Variants in UNC13C observed in about 807,000 individuals in gnomAD.
UNC13C encodes unc-13 homolog C, also known as protein unc-13 homolog C.
UNC13C carries 174 observed loss-of-function variants against 245.4 expected under a neutral mutation model. The observed-to-expected ratio is 0.71, with a 90% CI of 0.63 to 0.80. The LOEUF (loss-of-function observed/expected upper bound fraction) is 0.80. UNC13C is among the 30% of genes least tolerant of loss of function. UNC13C has a pLI of 0.00. For missense variants in UNC13C, 2,829 were observed against 2,602.9 expected, an observed-to-expected ratio of 1.09 and a Z score of -1.89; for synonymous variants, 992 against 895.1, an observed-to-expected ratio of 1.11 and a Z score of -1.93.
intron 4 of UNC13C, among the ~76,000 whole-genome samples, chr15:54,150,788 T>C (rs2032480431): frequency 1.3e-5 from 2 of 152,192 alleles, no homozygotes; most frequent in Non-Finnish European, 2.9e-5. Context: ...TAGTGGGAAA[T>C]ATACTTTGGT....
chr15:54,265,652 C>T (rs1472377703), intron 10 of UNC13C, among the ~76,000 whole-genome samples, 156 bp downstream of exon 10: 1 of 151,858 alleles, frequency 6.6e-6, no homozygotes. Context: ...TCCTTCAATA[C>T]TCTCATAATA....
At chr15:54,333,663 C>A in intron 15 of UNC13C, 104 bp from the exon 16 acceptor site, 2 of 674,432 alleles carry the variant, frequency 3.0e-6, no homozygotes, top group Non-Finnish European at 5.2e-6. Context: ...AAATTGTATA[C>A]AGTTTACTTT....
At chr15:54,355,377 T>C (rs1418893280) in intron 17 of UNC13C, among the ~76,000 whole-genome samples, 1 of 152,100 alleles carries the variant, frequency 6.6e-6, no homozygotes, top group Non-Finnish European at 1.5e-5. Context: ...TTTTTTTTGA[T>C]ACAGAGTCTC....
At chr15:54,528,286 A>C (rs1225241496) in intron 25 of UNC13C, among the ~76,000 whole-genome samples, 1 of 150,416 alleles carries the variant, frequency 6.6e-6, no homozygotes, top group African/African-American at 2.4e-5. Context: ...TTCTGCTTAC[A>C]CATGTTTTGC....
At chr15:54,180,617 A>G (rs1595958647) in intron 4 of UNC13C, among the ~76,000 whole-genome samples, 1 of 152,046 alleles carries the variant, frequency 6.6e-6, no homozygotes, top group Non-Finnish European at 1.5e-5. Context: ...CATTCCCACT[A>G]AGTGTATAAG....
At chr15:54,352,882 C>T (rs192882953) in intron 17 of UNC13C, among the ~76,000 whole-genome samples, 1 of 152,138 alleles carries the variant, frequency 6.6e-6, no homozygotes, top group East Asian at 1.9e-4. Context: ...CTTAAAATAT[C>T]TTATTGAAAA....
chr15:54,255,898 T>G (rs1166782574), intron 8 of UNC13C, among the ~76,000 whole-genome samples: 7 of 152,198 alleles, frequency 4.6e-5, no homozygotes, highest in Admixed American at 3.9e-4. Flanking sequence ...GGTCAGTTCC[T>G]TAACCCAAAG....
At chr15:54,098,167 G>A (rs192197336) in intron 2 of UNC13C, among the ~76,000 whole-genome samples, 53 of 152,014 alleles carry the variant, frequency 3.5e-4, no homozygotes, top group African/African-American at 1.1e-3. Context: ...CCTCTATAGC[G>A]TTTTTATTTT....
intron 24 of UNC13C, among the ~76,000 whole-genome samples, chr15:54,524,964 T>C (rs1895382388): frequency 6.6e-6 from 1 of 152,132 alleles, no homozygotes. Context: ...CAGCTGTAAA[T>C]TAGCAACCAG....
the UNC13C span, among the ~76,000 whole-genome samples, chr15:53,917,875 C>G: frequency 6.6e-6 from 1 of 151,928 alleles, no homozygotes; most frequent in Non-Finnish European, 1.5e-5. Context: ...TTTTGCCCTT[C>G]CTAAATTTTT....
chr15:54,102,985 T>C (rs1900241984), intron 2 of UNC13C, among the ~76,000 whole-genome samples: 1 of 152,258 alleles, frequency 6.6e-6, no homozygotes, highest in South Asian at 2.1e-4. Flanking sequence ...CGTAGGTTAA[T>C]ACTTCTAGTC....
intron 13 of UNC13C, chr15:54,320,773 T>C: frequency 2.6e-6 from 1 of 386,080 alleles, no homozygotes; most frequent in South Asian, 2.3e-5. Context: ...GGAACCACCA[T>C]GACCACCTTG....
rs116961065 is a variant in UNC13C, at chr15:54,384,294, T to A, written c.4714-8754T>A. ...CTATTGTAACCATGACAGCATGGTA[T>A]TTGTATGAAAGTAAACACATAGACC... On this transcript the variant is annotated intron_variant, in intron 17 of 32. Transcript: ENST00000260323. 6.7e-3 allele frequency among the ~76,000 whole-genome samples: 1,026 copies of A among 152,204 alleles called. 8 individuals carry two copies. Among genetic ancestry groups the A allele is most frequent in the Non-Finnish European group, 0.012 (847 of 67,968 alleles).
chr15:53,873,224 G>A, the UNC13C span, among the ~76,000 whole-genome samples: 1 of 152,034 alleles, frequency 6.6e-6, no homozygotes, highest in Non-Finnish European at 1.5e-5. Flanking sequence ...TGCCTTCTGA[G>A]TTCTAGGCCT....
At chr15:53,916,332 C>T in the UNC13C span, among the ~76,000 whole-genome samples, 1 of 152,178 alleles carries the variant, frequency 6.6e-6, no homozygotes, top group Admixed American at 6.5e-5. Flanking sequence ...GAAGGACATC[C>T]TGAACAATGA....
At chr15:54,111,957 G>A (rs553887210) in intron 2 of UNC13C, among the ~76,000 whole-genome samples, 1 of 152,180 alleles carries the variant, frequency 6.6e-6, no homozygotes, top group Non-Finnish European at 1.5e-5. Context: ...TGCCACAGAG[G>A]TTGAGGCTAG....
chr15:54,304,666 A>AC (rs1195291148), intron 13 of UNC13C, among the ~76,000 whole-genome samples: 1 of 151,496 alleles, frequency 6.6e-6, no homozygotes, highest in Non-Finnish European at 1.5e-5. Context: ...AAAAAAAAAA[A>AC]AAAAAACCCT....
At chr15:54,050,475 C>CT in intron 2 of UNC13C, 2 of 546,142 alleles carry the variant, frequency 3.7e-6, no homozygotes, top group East Asian at 9.7e-5. Context: ...GCATCCAAGT[C>CT]TTTGACCAAA....
At chr15:53,844,096 C>T in the UNC13C span, among the ~76,000 whole-genome samples, 3 of 152,076 alleles carry the variant, frequency 2.0e-5, no homozygotes, top group African/African-American at 7.2e-5. Context: ...AGAAGTGAAT[C>T]CCAGAGCATA....
Sources: gnomAD v4.1 joint callset for allele counts (sites outside exome capture counted in the v4.1 genomes callset) on GRCh38, gnomAD v4.1.1 for gene constraint, MANE v1.5 for transcripts, NCBI Gene and HGNC (gene_info 2026-07-23, HGNC 2026-07-21) for gene names.